RYR2: variants seen among roughly 807,000 people sequenced by gnomAD.
RYR2 encodes the protein cardiac muscle ryanodine receptor-calcium release channel.
Under a neutral mutation model 601.1 loss-of-function variants are expected in RYR2, and 227 were observed. That is an observed-to-expected ratio of 0.38 (90% confidence interval 0.34 to 0.42). The LOEUF is 0.42. RYR2 is among the 10% of genes least tolerant of loss of function. The pLI, the probability that RYR2 is intolerant of heterozygous loss-of-function variation, is 1.00. For synonymous variants in RYR2, 2,223 were observed against 2,175.1 expected (o/e 1.02, Z -0.61); for missense variants, 4,646 against 6,156.5 (o/e 0.75, Z 8.21).
intron 67 of RYR2, among the ~76,000 whole-genome samples, chr1:237,706,163 C>T (rs1180879100): frequency 1.3e-5 from 2 of 152,074 alleles, no homozygotes; most frequent in Non-Finnish European, 2.9e-5. Context: ...GCATGAGAAT[C>T]GCTTGAACTG....
Position 237,550,612 on chromosome 1 carries a change from C to T in RYR2, c.3135C>T (p.Ser1045=), listed in dbSNP as rs759494684. 6.2e-7 allele frequency: 1 copy of T among 1,601,092 alleles called. No homozygotes were observed. The highest frequency in any genetic ancestry group is 1.7e-5 in the Admixed American group (1 of 57,880). ...TTCTGGATGACCGAACCAAGAAATC[C>T]AACAAGGACAGCCTCCGCGAGGCTG... The part of the protein sequence containing the change: ...YTLLDDRTKK[S]NKDSLREAVR... The change falls in exon 27 of 105, where the codon TCC becomes TCT. Residue 1045 remains serine (S), a synonymous_variant. Transcript: ENST00000366574.
intron 23 of RYR2, among the ~76,000 whole-genome samples, chr1:237,507,717 G>A (rs1385018550): frequency 6.6e-6 from 1 of 152,206 alleles, no homozygotes. Context: ...CAGTTGTACT[G>A]GTGATGACCT....
rs900323621 is a variant in RYR2 at position 237,325,347 on chromosome 1, G to A, written c.169-5531G>A. Among the ~76,000 whole-genome samples, 8 of 152,164 alleles carry A rather than the reference G, an allele frequency of 5.3e-5. 1 individual carries two copies. The highest frequency in any genetic ancestry group is 1.9e-4 in the African/African-American group (8 of 41,456). ...CTATATATTTCTACATGCCATGAAT[G>A]TTTCTACTGCTATGAATACATAGCA... On this transcript the variant is annotated intron_variant, in intron 2 of 104. Coordinates refer to ENST00000366574, the MANE Select transcript of RYR2 (RefSeq NM_001035.3).
chr1:237,406,185 C>T (rs868504913), intron 10 of RYR2, among the ~76,000 whole-genome samples: 1,193 of 69,084 alleles, frequency 0.017, 34 homozygotes, highest in Non-Finnish European at 0.026. Flanking sequence ...CTCCCCTCCC[C>T]TCCCCTTCCC....
chr1:237,573,097 G>A (rs191837608), intron 29 of RYR2, among the ~76,000 whole-genome samples: 1 of 152,112 alleles, frequency 6.6e-6, no homozygotes, highest in Admixed American at 6.5e-5. Context: ...TATCATGTTC[G>A]ATTTGCCATT....
At chr1:237,607,409 C>T (rs1018994502) in intron 35 of RYR2, among the ~76,000 whole-genome samples, 2 of 150,868 alleles carry the variant, frequency 1.3e-5, no homozygotes, top group African/African-American at 4.9e-5. Context: ...GAACATCACA[C>T]ACCGGGGCCT....
chr1:237,594,911 T>TTTG (rs1559084280), intron 33 of RYR2, among the ~76,000 whole-genome samples: 13 of 73,592 alleles, frequency 1.8e-4, no homozygotes, highest in African/African-American at 5.2e-4. Context: ...TTTTTTTTTT[T>TTTG]TTTTTTTTTT....
At chr1:237,561,886 G>T (rs1179624492) in intron 27 of RYR2, among the ~76,000 whole-genome samples, 1 of 152,072 alleles carries the variant, frequency 6.6e-6, no homozygotes, top group Non-Finnish European at 1.5e-5. Context: ...AACAAGGATG[G>T]TGGGAATAAA....
chr1:237,666,312 A>T (rs1246556198), intron 56 of RYR2, among the ~76,000 whole-genome samples, 200 bp from the exon 57 acceptor site: 1 of 152,248 alleles, frequency 6.6e-6, no homozygotes, highest in Non-Finnish European at 1.5e-5. Flanking sequence ...CAGAATTATC[A>T]ATCATAAATC....
intron 7 of RYR2, among the ~76,000 whole-genome samples, chr1:237,376,498 G>T (rs556990676): frequency 2.0e-5 from 3 of 149,422 alleles, no homozygotes; most frequent in Non-Finnish European, 4.5e-5. Flanking sequence ...TTGAGTGAAG[G>T]TAAAGAATGG....
chr1:237,558,782 T>C (rs1335583552), intron 27 of RYR2, among the ~76,000 whole-genome samples: 1 of 152,126 alleles, frequency 6.6e-6, no homozygotes, highest in Non-Finnish European at 1.5e-5. Context: ...TCTGAAGCTC[T>C]GCTTGTCTTT....
At chr1:237,786,650 A>T (rs554761560) in intron 91 of RYR2, among the ~76,000 whole-genome samples, 38 of 152,344 alleles carry the variant, frequency 2.5e-4, no homozygotes, top group Non-Finnish European at 4.7e-4. Context: ...ATGAAAATGC[A>T]TAACTCCCTC....
In RYR2 at chr1:237,298,385, G is replaced by T. The variant is rs138871405; in HGVS notation, c.168+27769G>T. ...ATCCAAAATTATTTATCAGCATATA[G>T]ATTTTTAAAATCAGATTATCAATGA... On this transcript the variant is annotated intron_variant, in intron 2 of 104. Transcript: ENST00000366574. 3.9e-3 allele frequency among the ~76,000 whole-genome samples: 596 copies of T among 152,252 alleles called. 4 individuals are homozygous for T. Among genetic ancestry groups the T allele is most frequent in the African/African-American group, 0.013 (531 of 41,546 alleles).
Position 237,436,454 on chromosome 1 carries a change from C to CTTTTTTTTTTTTTT in RYR2, c.1006-4854_1006-4841dup, listed in dbSNP as rs551140501. Among the ~76,000 whole-genome samples, 74 of 48,720 alleles carry CTTTTTTTTTTTTTT rather than the reference C, an allele frequency of 1.5e-3. 6 individuals are homozygous for CTTTTTTTTTTTTTT. Among genetic ancestry groups the CTTTTTTTTTTTTTT allele is most frequent in the East Asian group, 6.3e-3 (8 of 1,268 alleles). The allele number at this position is 48,720 out of a possible 152,430, so 32.0% of individuals were successfully genotyped here. Reference sequence around the variant, plus strand: ...AGCCGAGGGATAATGTGTGATTTTCCTTTTTTTTTTTTTTTTTTTTTTTTG... The same window carrying CTTTTTTTTTTTTTT: ...AGCCGAGGGATAATGTGTGATTTTCCTTTTTTTTTTTTTTTTTTTTTTTTTTTTTTTTTTTTTTG... On this transcript the variant is annotated intron_variant, in intron 12 of 104. Transcript: ENST00000366574.
chr1:237,193,281 T>C (rs970006304), intron 1 of RYR2, among the ~76,000 whole-genome samples: 2 of 151,544 alleles, frequency 1.3e-5, no homozygotes, highest in Non-Finnish European at 2.9e-5. Context: ...GTGGCTAACA[T>C]GGTGAAACCC....
At chr1:237,509,165 G>C (rs1300748841) in intron 23 of RYR2, among the ~76,000 whole-genome samples, 2 of 152,156 alleles carry the variant, frequency 1.3e-5, no homozygotes, top group African/African-American at 4.8e-5. Flanking sequence ...GTACCTCTGG[G>C]GGAAACACTG....
intron 1 of RYR2, among the ~76,000 whole-genome samples, chr1:237,213,616 G>A (rs11799783): frequency 0.011 from 1,635 of 152,190 alleles, 35 homozygotes; most frequent in African/African-American, 0.038. Flanking sequence ...TATAACAGCT[G>A]TTTATAAGAT....
intron 80 of RYR2, among the ~76,000 whole-genome samples, chr1:237,755,755 C>T (rs558589093): frequency 1.2e-4 from 18 of 152,256 alleles, no homozygotes; most frequent in African/African-American, 4.1e-4. Flanking sequence ...CTGGGGAGAT[C>T]TGTATCATAA....
At chr1:237,762,364 C>T (rs1693496330) in intron 84 of RYR2, among the ~76,000 whole-genome samples, 2 of 152,208 alleles carry the variant, frequency 1.3e-5, no homozygotes, top group Non-Finnish European at 2.9e-5. Context: ...TGCCTACCTC[C>T]AGCATCTCTC....
Sources: gnomAD v4.1 joint callset for allele counts (sites outside exome capture counted in the v4.1 genomes callset) on GRCh38, gnomAD v4.1.1 for gene constraint, MANE v1.5 for transcripts, NCBI Gene and HGNC (gene_info 2026-07-23, HGNC 2026-07-21) for gene names.